Variants in ZNF90 observed in about 807,000 individuals in gnomAD.
ZNF90 encodes zinc finger protein HTF9.
ZNF90 carries 11 observed loss-of-function variants against 12.0 expected under a neutral mutation model. The ratio of observed to expected loss-of-function variants is 0.92; its 90% CI spans 0.58 to 1.52. The LOEUF (loss-of-function observed/expected upper bound fraction) is 1.52, where lower values mean the gene tolerates loss of function less well. Among genes scored for constraint, ZNF90 ranks in the 40% most tolerant of loss-of-function variants. The pLI, the probability that ZNF90 is intolerant of heterozygous loss-of-function variation, is 0.00. For synonymous variants in ZNF90, 232 were observed against 240.1 expected, an observed-to-expected ratio of 0.97 and a Z score of 0.31; for missense variants, 765 against 711.5, an observed-to-expected ratio of 1.08 and a Z score of -0.86.
chr19:20,091,512 AG>A (rs2088902814), intron 1 of ZNF90, among the ~76,000 whole-genome samples: 1 of 151,860 alleles, frequency 6.6e-6, no homozygotes, highest in Admixed American at 6.6e-5. Context: ...TCCGTGGGGG[AG>A]TAGGTGGGAG....
At position 20,118,636 on chromosome 19, in the gene ZNF90, G is replaced by C; in HGVS notation, c.1082G>C (p.Arg361Thr). Residue 361 changes from arginine to threonine, a missense_variant, in exon 4 of 4, where the codon AGA (arginine) becomes ACA (threonine). Transcript: ENST00000418063. ...RRSLVLRTHKRIHTGEKPYKC... is the reference protein window; with the variant it reads ...RRSLVLRTHKTIHTGEKPYKC... ...TCCTTAGTCCTTCGTACACATAAGA[G>C]AATTCATACTGGAGAGAAACCCTAC... The C allele has an allele frequency of 9.3e-6, 15 of 1,607,280 alleles. No individual in the cohort carries two copies. The highest frequency in any genetic ancestry group is 1.3e-5 in the Non-Finnish European group (15 of 1,177,814).
intron 1 of ZNF90, among the ~76,000 whole-genome samples, chr19:20,103,731 A>G (rs1555704094): frequency 2.0e-5 from 3 of 152,148 alleles, no homozygotes; most frequent in Non-Finnish European, 4.4e-5. Context: ...TGGATGTTTG[A>G]CAAAATATCC....
intron 3 of ZNF90, among the ~76,000 whole-genome samples, chr19:20,112,883 A>C (rs990690092): frequency 6.6e-6 from 1 of 151,948 alleles, no homozygotes; most frequent in African/African-American, 2.4e-5. Flanking sequence ...GTATCCAATA[A>C]GTTTTGTGTT....
intron 1 of ZNF90, among the ~76,000 whole-genome samples, chr19:20,085,654 T>C (rs571130858): frequency 6.6e-6 from 1 of 152,368 alleles, no homozygotes; most frequent in East Asian, 1.9e-4. Context: ...GCATACATTG[T>C]ACAAATTTCA....
intron 1 of ZNF90, among the ~76,000 whole-genome samples, chr19:20,096,128 G>A (rs2088943342): frequency 6.6e-6 from 1 of 152,204 alleles, no homozygotes; most frequent in South Asian, 2.1e-4. Context: ...AGATTGGAAG[G>A]AGAAAGAGGT....
At chr19:20,117,688 T>C (rs1357089588) in intron 3 of ZNF90, 93 bp from the exon 4 acceptor site, 1 of 1,416,546 alleles carries the variant, frequency 7.1e-7, no homozygotes, top group African/African-American at 1.5e-5. Flanking sequence ...TGTTTTCATT[T>C]TGCCCAAGAT....
At chr19:20,085,607 CT>C (rs2088853796) in intron 1 of ZNF90, among the ~76,000 whole-genome samples, 3 of 152,174 alleles carry the variant, frequency 2.0e-5, no homozygotes, top group Non-Finnish European at 4.4e-5. Flanking sequence ...ATATCTTTCT[CT>C]CTTTTGGTTT....
intron 1 of ZNF90, among the ~76,000 whole-genome samples, chr19:20,086,389 C>A (rs558693801): frequency 6.6e-6 from 1 of 151,900 alleles, no homozygotes; most frequent in African/African-American, 2.4e-5. Context: ...TGTGCCCAAC[C>A]ATGCCTGTCT....
intron 1 of ZNF90, among the ~76,000 whole-genome samples, chr19:20,092,772 G>A (rs2088912795): frequency 6.6e-6 from 1 of 152,192 alleles, no homozygotes; most frequent in Admixed American, 6.5e-5. Context: ...GTAACGGATG[G>A]AGAAGAAATT....
chr19:20,102,803 T>C (rs2089000111), intron 1 of ZNF90, among the ~76,000 whole-genome samples: 3 of 152,196 alleles, frequency 2.0e-5, no homozygotes, highest in Non-Finnish European at 4.4e-5. Context: ...AGAAAATGCT[T>C]ATTTAAATGG....
chr19:20,101,382 T>C (rs1324358293), intron 1 of ZNF90, among the ~76,000 whole-genome samples: 2 of 152,222 alleles, frequency 1.3e-5, no homozygotes, highest in East Asian at 3.9e-4. Flanking sequence ...ACAAAGGGCT[T>C]GCAGCCATTT....
At chr19:20,078,244 G>A (rs1186899744) in intron 1 of ZNF90, 109 bp downstream of exon 1, 42 of 1,427,852 alleles carry the variant, frequency 2.9e-5, no homozygotes, top group Non-Finnish European at 4.0e-5. Context: ...CACAATCTGC[G>A]ACCGACTTCT....
chr19:20,116,979 TAAAAAA>T (rs35276420), intron 3 of ZNF90, among the ~76,000 whole-genome samples: 2 of 135,262 alleles, frequency 1.5e-5, no homozygotes, highest in East Asian at 2.1e-4. Flanking sequence ...TGTTTTTCTT[TAAAAAA>T]AAAAAAAAAA....
At chr19:20,097,902 G>C (rs782432916) in intron 1 of ZNF90, among the ~76,000 whole-genome samples, 6 of 152,166 alleles carry the variant, frequency 3.9e-5, no homozygotes, top group Non-Finnish European at 5.9e-5. Context: ...AATAATCAAT[G>C]TTATTTCTGT....
chr19:20,117,129 A>G (rs1340090599), intron 3 of ZNF90, among the ~76,000 whole-genome samples: 10 of 149,088 alleles, frequency 6.7e-5, no homozygotes, highest in African/African-American at 2.5e-4. Context: ...CACATTCTCT[A>G]CCTCCACAGT....
At chr19:20,106,792 T>G (rs2089043193) in intron 3 of ZNF90, among the ~76,000 whole-genome samples, 1 of 152,194 alleles carries the variant, frequency 6.6e-6, no homozygotes, top group African/African-American at 2.4e-5. Flanking sequence ...AAAGATCTTT[T>G]GTTGGGCCCT....
At chr19:20,101,351 C>A (rs1471975897) in intron 1 of ZNF90, among the ~76,000 whole-genome samples, 2 of 152,160 alleles carry the variant, frequency 1.3e-5, no homozygotes, top group African/African-American at 4.8e-5. Context: ...ATCCATGAGG[C>A]CAAGAACCCC....
intron 3 of ZNF90, among the ~76,000 whole-genome samples, chr19:20,117,043 G>GTA (rs1303777760): frequency 6.7e-6 from 1 of 150,172 alleles, no homozygotes; most frequent in Non-Finnish European, 1.5e-5. Flanking sequence ...GTGTGTGTGT[G>GTA]TGTGAGAGAG....
In ZNF90 at chr19:20,118,265, A is replaced by C. The variant is rs2089159307; in HGVS notation, c.711A>C (p.Glu237Asp). The C allele has an allele frequency of 6.4e-7, 1 of 1,553,880 alleles. No homozygotes were observed. Among genetic ancestry groups the C allele is most frequent in the African/African-American group, 1.4e-5 (1 of 72,906 alleles). ...ACAAATGTGAAGATTGTGGCAAAGA[A>C]TTAAAGTATTCCTCTACCCTTACTG... ...KRYKCEDCGK[E>D]LKYSSTLTAH... The change falls in exon 4 of 4, where the codon GAA becomes GAC. Residue 237 changes from glutamate to aspartate, a missense_variant. Glu to Asp is a conservative substitution (Grantham distance 45, BLOSUM62 2). Transcript: ENST00000418063.
Sources: allele counts gnomAD v4.1 joint callset (sites outside exome capture counted in the v4.1 genomes callset), GRCh38; gene constraint gnomAD v4.1.1; transcripts MANE v1.5; gene names NCBI Gene and HGNC (gene_info 2026-07-23, HGNC 2026-07-21).